Variants in GABRG3 observed in about 807,000 individuals in gnomAD.
GABRG3 encodes the protein gamma-aminobutyric acid type A receptor subunit gamma3.
GABRG3 carries 25 observed loss-of-function variants against 48.8 expected under a neutral mutation model. The observed-to-expected ratio is 0.51, with a 90% confidence interval of 0.37 to 0.72. The LOEUF is 0.72. GABRG3 is among the 30% of genes least tolerant of loss of function. The pLI, the probability that GABRG3 is intolerant of heterozygous loss-of-function variation, is 0.00. For missense variants in GABRG3, 394 were observed against 577.9 expected (o/e 0.68, Z 3.26); for synonymous variants, 227 against 217.6 (o/e 1.04, Z -0.38).
chr15:27,404,215 C>T (rs1241010103), intron 5 of GABRG3, among the ~76,000 whole-genome samples: 4 of 152,078 alleles, frequency 2.6e-5, no homozygotes, highest in Non-Finnish European at 5.9e-5. Context: ...AGGGAGACTC[C>T]GTCTGAAGAA....
chr15:27,030,534 T>A (rs1243919330), intron 3 of GABRG3, among the ~76,000 whole-genome samples: 1 of 152,232 alleles, frequency 6.6e-6, no homozygotes, highest in Non-Finnish European at 1.5e-5. Context: ...TCTGCCTTTG[T>A]CGCTGCAACA....
rs139054764 is a variant in GABRG3 at position 27,374,172 on chromosome 15, C to A, written c.574+45284C>A. Reference sequence around the variant, plus strand: ...TTTTTTTTTTTTTTTCAGTGTGTCACCCAGACTGGTGTGCAGTGGCAAGAA... The same window carrying A: ...TTTTTTTTTTTTTTTCAGTGTGTCAACCAGACTGGTGTGCAGTGGCAAGAA... On this transcript the variant is annotated intron_variant, in intron 5 of 9. Transcript: ENST00000615808. 6.0e-3 allele frequency among the ~76,000 whole-genome samples: 812 copies of A among 135,824 alleles called. 8 individuals carry two copies. The highest frequency in any genetic ancestry group is 0.022 in the African/African-American group (766 of 35,268). 89.1% of individuals were successfully genotyped at this position (135,824 alleles called of 152,430 possible). A position where few individuals can be genotyped will look rare whatever the true frequency, so the allele number is the denominator to read the frequency against.
At chr15:27,087,044 CA>C (rs1341550435) in intron 3 of GABRG3, among the ~76,000 whole-genome samples, 1 of 152,206 alleles carries the variant, frequency 6.6e-6, no homozygotes, top group Non-Finnish European at 1.5e-5. Flanking sequence ...CTTCATGAGC[CA>C]TCACAGTAAC....
chr15:27,009,023 G>T (rs1039198618), intron 2 of GABRG3, among the ~76,000 whole-genome samples: 6 of 152,174 alleles, frequency 3.9e-5, no homozygotes, highest in Admixed American at 3.9e-4. Flanking sequence ...GGAAGAAAGT[G>T]CAGGGGACAG....
intron 3 of GABRG3, among the ~76,000 whole-genome samples, chr15:27,073,777 G>A (rs1316266677): frequency 6.6e-6 from 1 of 152,194 alleles, no homozygotes; most frequent in Non-Finnish European, 1.5e-5. Flanking sequence ...CTTCTGCAAG[G>A]TGGAGATTGG....
chr15:27,239,413 G>A (rs555382301), intron 3 of GABRG3, among the ~76,000 whole-genome samples: 29 of 152,160 alleles, frequency 1.9e-4, no homozygotes, highest in African/African-American at 6.7e-4. Flanking sequence ...AAGAATATTC[G>A]CTAAATATTG....
At chr15:27,405,070 C>T (rs1887590722) in intron 5 of GABRG3, among the ~76,000 whole-genome samples, 1 of 152,182 alleles carries the variant, frequency 6.6e-6, no homozygotes, top group Non-Finnish European at 1.5e-5. Flanking sequence ...CACAATGATG[C>T]TTCCCCAGAA....
At chr15:27,103,266 A>G (rs996741906) in intron 3 of GABRG3, among the ~76,000 whole-genome samples, 3 of 152,048 alleles carry the variant, frequency 2.0e-5, no homozygotes, top group Non-Finnish European at 4.4e-5. Flanking sequence ...CTCAGGAATG[A>G]CTCTATTTTG....
At chr15:27,068,691 CT>C (rs1333353872) in intron 3 of GABRG3, among the ~76,000 whole-genome samples, 2 of 152,210 alleles carry the variant, frequency 1.3e-5, no homozygotes, top group African/African-American at 4.8e-5. Flanking sequence ...ACATGTTGCA[CT>C]GGCAGGGCCT....
intron 3 of GABRG3, among the ~76,000 whole-genome samples, chr15:27,187,911 T>A (rs1190397575): frequency 8.0e-6 from 1 of 124,480 alleles, no homozygotes; most frequent in African/African-American, 3.1e-5. Flanking sequence ...CAGAGTGTGA[T>A]GTTCCCCTTC....
chr15:27,321,183 G>GCC (rs1893412800), intron 3 of GABRG3, among the ~76,000 whole-genome samples: 1 of 152,204 alleles, frequency 6.6e-6, no homozygotes, highest in African/African-American at 2.4e-5. Context: ...GCAGGTGTCT[G>GCC]CCCTCCCCTG....
At chr15:27,289,815 A>G (rs1355417871) in intron 3 of GABRG3, among the ~76,000 whole-genome samples, 2 of 152,228 alleles carry the variant, frequency 1.3e-5, no homozygotes, top group African/African-American at 2.4e-5. Flanking sequence ...GTAGCCTAAT[A>G]TAGATATAGA....
intron 3 of GABRG3, among the ~76,000 whole-genome samples, chr15:27,059,881 A>G (rs112108865): frequency 0.016 from 2,373 of 152,336 alleles, 26 homozygotes; most frequent in South Asian, 0.03. Context: ...TCTGTATTCT[A>G]TTGTAGCAAA....
chr15:27,268,024 G>A (rs11263712), intron 3 of GABRG3, among the ~76,000 whole-genome samples: 90,065 of 151,892 alleles, frequency 0.59, 27,318 homozygotes, highest in Non-Finnish European at 0.65. Context: ...TCATTTTCTG[G>A]TTTTGATATC....
At chr15:27,304,849 C>A (rs141641271) in intron 3 of GABRG3, among the ~76,000 whole-genome samples, 2 of 152,058 alleles carry the variant, frequency 1.3e-5, no homozygotes, top group Admixed American at 6.6e-5. Flanking sequence ...CTGTCTACCA[C>A]AAGTTGAAAG....
intron 5 of GABRG3, among the ~76,000 whole-genome samples, chr15:27,411,493 A>G (rs1887797669): frequency 6.6e-6 from 1 of 152,214 alleles, no homozygotes; most frequent in Non-Finnish European, 1.5e-5. Context: ...TCCTTGCATT[A>G]CTGAGATCCA....
chr15:27,126,053 A>T (rs1417611319), intron 3 of GABRG3, among the ~76,000 whole-genome samples: 6 of 152,216 alleles, frequency 3.9e-5, no homozygotes, highest in African/African-American at 1.4e-4. Flanking sequence ...AGCGCAATTA[A>T]ATGTGTCTTC....
intron 3 of GABRG3, among the ~76,000 whole-genome samples, chr15:27,195,493 A>C (rs1027921525): frequency 6.7e-6 from 1 of 149,596 alleles, no homozygotes; most frequent in African/African-American, 2.5e-5. Context: ...CACCACGCCC[A>C]GCTAATTTTT....
chr15:26,976,477 G>A lies in GABRG3; in HGVS notation c.54-525G>A, dbSNP rs563186839. ...GCAGACCCCCTCACAATGCTCAAGTGCCTAGACCCCCAGATTCCCGCCTCC... is the reference window on the plus strand; with the variant it reads ...GCAGACCCCCTCACAATGCTCAAGTACCTAGACCCCCAGATTCCCGCCTCC... On this transcript the variant is annotated intron_variant, in intron 1 of 9. Transcript: ENST00000615808. This position sits in a 1 kb window ranked among gnomAD's most constrained non-coding sequence, Gnocchi z 7.8. 6.6e-5 allele frequency among the ~76,000 whole-genome samples: 10 copies of A among 152,222 alleles called. No homozygotes were observed. Among genetic ancestry groups the A allele is most frequent in the Non-Finnish European group, 8.8e-5 (6 of 68,008 alleles).
Sources: allele counts gnomAD v4.1 joint callset (sites outside exome capture counted in the v4.1 genomes callset), GRCh38; gene constraint gnomAD v4.1.1; non-coding constraint Gnocchi (gnomAD v3.1); transcripts MANE v1.5; gene names NCBI Gene and HGNC (gene_info 2026-07-23, HGNC 2026-07-21).